Variants in PALM2AKAP2 observed in about 807,000 individuals in gnomAD.
PALM2AKAP2 encodes PALM2 and AKAP2 fusion.
PALM2AKAP2 carries 37 observed loss-of-function variants against 71.5 expected under a neutral mutation model. That is an observed-to-expected ratio of 0.52 (90% CI 0.40 to 0.68). PALM2AKAP2 has a LOEUF of 0.68. Among genes scored for constraint, PALM2AKAP2 ranks in the 30% least tolerant of loss-of-function variants. PALM2AKAP2 has a pLI of 0.00. For synonymous variants in PALM2AKAP2, 468 were observed against 478.8 expected (o/e 0.98, Z 0.29); for missense variants, 1,224 against 1,191.8 (o/e 1.03, Z -0.40).
At chr9:109,807,818 G>T (rs1349445972) in intron 1 of PALM2AKAP2, among the ~76,000 whole-genome samples, 3 of 152,210 alleles carry the variant, frequency 2.0e-5, no homozygotes, top group African/African-American at 7.2e-5. Context: ...GAAGGACTAT[G>T]TGGGAGATGA....
At chr9:110,114,152 A>G (rs192529852) in intron 1 of PALM2AKAP2, among the ~76,000 whole-genome samples, 223 of 152,320 alleles carry the variant, frequency 1.5e-3, no homozygotes, top group Non-Finnish European at 2.6e-3. Context: ...TACAGATGGC[A>G]GGGTTGGTTC....
chr9:110,087,078 T>G (rs1834590948), intron 1 of PALM2AKAP2, among the ~76,000 whole-genome samples: 1 of 152,200 alleles, frequency 6.6e-6, no homozygotes. Flanking sequence ...CTGCCTGGAC[T>G]AACTATCTCA....
At chr9:110,151,669 AG>A (rs1836317921) in intron 2 of PALM2AKAP2, among the ~76,000 whole-genome samples, 1 of 152,222 alleles carries the variant, frequency 6.6e-6, no homozygotes, top group African/African-American at 2.4e-5. Flanking sequence ...ACTCCTTCAA[AG>A]GCTTAAGTCT....
intron 3 of PALM2AKAP2, among the ~76,000 whole-genome samples, chr9:110,165,327 C>CGT (rs1836709973): frequency 7.2e-6 from 1 of 138,452 alleles, no homozygotes; most frequent in South Asian, 2.4e-4. Context: ...CACACACACA[C>CGT]ACGTCTGAAT....
At chr9:109,837,629 G>A (rs1243000305) in intron 1 of PALM2AKAP2, among the ~76,000 whole-genome samples, 4 of 152,188 alleles carry the variant, frequency 2.6e-5, no homozygotes, top group African/African-American at 9.6e-5. Context: ...GTATTCAGGA[G>A]ACCCATCTCA....
intron 1 of PALM2AKAP2, among the ~76,000 whole-genome samples, chr9:109,823,207 C>G (rs1828057261): frequency 6.6e-6 from 1 of 151,892 alleles, no homozygotes; most frequent in Non-Finnish European, 1.5e-5. Context: ...CTAATATGCC[C>G]AAGTCTACAC....
chr9:110,084,892 C>T (rs570851801), intron 1 of PALM2AKAP2, among the ~76,000 whole-genome samples: 11 of 149,222 alleles, frequency 7.4e-5, no homozygotes, highest in Non-Finnish European at 1.3e-4. Context: ...TGTGCCACCA[C>T]GCCCAGCTGA....
At chr9:109,641,665 CAAGG>C (rs1339214753) in intron 1 of PALM2AKAP2, among the ~76,000 whole-genome samples, 1 of 152,178 alleles carries the variant, frequency 6.6e-6, no homozygotes, top group Non-Finnish European at 1.5e-5. Flanking sequence ...CCAGCCACTC[CAAGG>C]AAGGGTCATT....
intron 1 of PALM2AKAP2, among the ~76,000 whole-genome samples, chr9:109,843,201 G>A (rs1385244280): frequency 7.0e-6 from 1 of 143,118 alleles, no homozygotes; most frequent in Non-Finnish European, 1.5e-5. Flanking sequence ...AGCTACTCAG[G>A]AGGCTAAAGA....
chr9:109,727,942 G>A (rs993886495), intron 1 of PALM2AKAP2, among the ~76,000 whole-genome samples: 2 of 152,152 alleles, frequency 1.3e-5, no homozygotes, highest in Non-Finnish European at 2.9e-5. Context: ...CTTTAGATCA[G>A]TGCCAGGTCC....
chr9:110,135,164 A>AAAAAAAAAAATATATATATAT, intron 1 of PALM2AKAP2, among the ~76,000 whole-genome samples: 12 of 51,724 alleles, frequency 2.3e-4, no homozygotes, highest in East Asian at 1.3e-3. Context: ...AAAAAAAAAA[A>AAAAAAAAAAATATATATATAT]ATATATAAAT....
chr9:109,655,706 G>A (rs935430377), intron 1 of PALM2AKAP2, among the ~76,000 whole-genome samples: 1 of 152,074 alleles, frequency 6.6e-6, no homozygotes, highest in African/African-American at 2.4e-5. Flanking sequence ...TTTGTGTCTG[G>A]ATAATTTCAC....
rs1379407574 is a variant in PALM2AKAP2, at chr9:109,866,673, G to A, written c.46-818G>A. Among the ~76,000 whole-genome samples the A allele has an allele frequency of 2.6e-5, 4 of 152,280 alleles. No homozygotes were observed. The East Asian group carries it at 7.7e-4, about 29-fold the overall frequency. ...ACATTGAGCACTTACTCTGTGCCAG[G>A]TATTGTTCTAGGCCTTTTACGTTAC... is the stretch of plus-strand genomic sequence containing the variant. On this transcript the variant is annotated intron_variant, in intron 1 of 9. Coordinates refer to the PALM2AKAP2 transcript ENST00000302798.
chr9:110,120,507 T>C (rs1206955798), intron 1 of PALM2AKAP2, among the ~76,000 whole-genome samples: 1 of 152,210 alleles, frequency 6.6e-6, no homozygotes, highest in Non-Finnish European at 1.5e-5. Context: ...TCTGAAAGCC[T>C]GCCCTTTGTT....
chr9:110,159,351 CT>C (rs1836539628), intron 3 of PALM2AKAP2, among the ~76,000 whole-genome samples: 1 of 152,170 alleles, frequency 6.6e-6, no homozygotes, highest in Non-Finnish European at 1.5e-5. Flanking sequence ...AGCATCACCC[CT>C]GGCACCTCCA....
At chr9:110,082,082 T>TTTTTGTTTTG (rs58324942) in intron 1 of PALM2AKAP2, among the ~76,000 whole-genome samples, 9,350 of 151,710 alleles carry the variant, frequency 0.062, 929 homozygotes, top group African/African-American at 0.21. Flanking sequence ...AAGCAGTGGC[T>TTTTTGTTTTG]TTTTGTTTTG....
chr9:109,657,499 G>C (rs1363909234), intron 1 of PALM2AKAP2, among the ~76,000 whole-genome samples: 3 of 140,664 alleles, frequency 2.1e-5, no homozygotes, highest in Non-Finnish European at 4.6e-5. Context: ...GGAGGGTCTT[G>C]GGAGCAGGGG....
At chr9:109,830,338 G>A (rs1017345331) in intron 1 of PALM2AKAP2, among the ~76,000 whole-genome samples, 2 of 152,166 alleles carry the variant, frequency 1.3e-5, no homozygotes, top group African/African-American at 4.8e-5. Context: ...GGGTCAGCAG[G>A]CTTTGTAAAC....
At chr9:110,043,703 C>T (rs1370299881), upstream of PALM2AKAP2, among the ~76,000 whole-genome samples, 11 of 127,512 alleles carry the variant, frequency 8.6e-5, no homozygotes, top group Admixed American at 4.8e-4. Flanking sequence ...CTGTAAACTA[C>T]GTTTTTTTTG....
Sources: gnomAD v4.1 joint callset for allele counts (sites outside exome capture counted in the v4.1 genomes callset) on GRCh38, gnomAD v4.1.1 for gene constraint, MANE v1.5 for transcripts, NCBI Gene and HGNC (gene_info 2026-07-23, HGNC 2026-07-21) for gene names.